HINT3: variants seen among roughly 807,000 people sequenced by gnomAD.
HINT3 encodes the protein histidine triad nucleotide binding protein 3, also known as adenosine 5'-monophosphoramidase HINT3.
In HINT3, 16 loss-of-function variants were observed where a neutral mutation model predicts 19.1. The observed-to-expected ratio is 0.84, with a 90% confidence interval of 0.57 to 1.27. The LOEUF (loss-of-function observed/expected upper bound fraction) is 1.27. HINT3 is among the 50% of genes most tolerant of loss of function. The probability of loss-of-function intolerance (pLI) is 0.00; values close to 1 mark genes in which losing one functional copy is unlikely to be tolerated. For missense variants in HINT3, 197 were observed against 225.8 expected, an observed-to-expected ratio of 0.87 and a Z score of 0.82; for synonymous variants, 75 against 84.8, an observed-to-expected ratio of 0.88 and a Z score of 0.63.
At chr6:125,973,810 C>T (rs1258874992) in intron 3 of HINT3, among the ~76,000 whole-genome samples, 3 of 152,198 alleles carry the variant, frequency 2.0e-5, no homozygotes, top group Non-Finnish European at 2.9e-5. Context: ...GTCTCAACTC[C>T]AGCTCCACGA....
chr6:125,969,347 A>G (rs538385605), intron 2 of HINT3, among the ~76,000 whole-genome samples: 2 of 152,086 alleles, frequency 1.3e-5, no homozygotes, highest in African/African-American at 2.4e-5. Context: ...GTTTTCTGTT[A>G]TGTTCTGTTG....
At chr6:125,973,090 T>TTTC (rs1789131463) in intron 3 of HINT3, among the ~76,000 whole-genome samples, 1 of 137,668 alleles carries the variant, frequency 7.3e-6, no homozygotes, top group Non-Finnish European at 1.5e-5. Context: ...TTTTTTTTTT[T>TTTC]TTTGAGACGG....
At chr6:125,958,421 G>A (rs777207895) in intron 1 of HINT3, among the ~76,000 whole-genome samples, 1 of 152,152 alleles carries the variant, frequency 6.6e-6, no homozygotes, top group African/African-American at 2.4e-5. Flanking sequence ...AAGATGTTGC[G>A]GAGTTATAGG....
In HINT3 at chr6:125,977,882, T is replaced by C. The variant is rs562396311; in HGVS notation, c.*206T>C. On this transcript the variant is annotated 3_prime_UTR_variant, in exon 5 of 5. Transcript: ENST00000229633. ...TTTGTTACTGACTTGTTTCAATGGTTACTTGTATAAGGATTTTATATATAT... is the reference window on the plus strand; with the variant it reads ...TTTGTTACTGACTTGTTTCAATGGTCACTTGTATAAGGATTTTATATATAT... 2.6e-6 allele frequency: 1 copy of C among 387,962 alleles called. No homozygotes were observed. The highest frequency in any genetic ancestry group is 4.7e-6 in the Non-Finnish European group (1 of 214,912). The allele number at this position is 387,962 out of a possible 1,614,324, so 24.0% of individuals were successfully genotyped here.
At chr6:125,976,302 T>C (rs1789177682) in intron 4 of HINT3, among the ~76,000 whole-genome samples, 1 of 152,236 alleles carries the variant, frequency 6.6e-6, no homozygotes, top group African/African-American at 2.4e-5. Flanking sequence ...TCTTAGCTAC[T>C]TGGGAGGCTG....
At position 125,975,581 on chromosome 6, in the gene HINT3, G is replaced by GTTTT. The variant is rs149094456; in HGVS notation, c.516+610_516+611insTTTT. ...CACCTATCAGATCTGTGGCTGAAGA[G>GTTTT]TTGTTTTTTTTTTTTTTGAGACAGT... On this transcript the variant is annotated intron_variant, in intron 4 of 4. Coordinates refer to ENST00000229633, the MANE Select transcript of HINT3 (RefSeq NM_138571.5). Among the ~76,000 whole-genome samples the GTTTT allele has an allele frequency of 7.0e-5, 10 of 143,610 alleles. 2 individuals are homozygous for GTTTT. The highest frequency in any genetic ancestry group is 2.1e-4 in the Admixed American group (3 of 14,360). 94.2% of individuals were successfully genotyped at this position (143,610 alleles called of 152,430 possible).
At position 125,978,788 on chromosome 6, in the gene HINT3, GT is replaced by G. The variant is rs1217446516; in HGVS notation, c.*1116del. The G allele has an allele frequency of 6.6e-6, 1 of 152,044 alleles. No homozygotes were observed. The highest frequency in any genetic ancestry group is 1.5e-5 in the Non-Finnish European group (1 of 68,000). 9.4% of individuals were successfully genotyped at this position (152,044 alleles called of 1,614,324 possible). A position where few individuals can be genotyped will look rare whatever the true frequency, so the allele number is the denominator to read the frequency against. On this transcript the variant is annotated 3_prime_UTR_variant, in exon 5 of 5. Transcript: ENST00000229633. ...TAGAGGGGGCATGATATTAAAGATA[GT>G]TTTAAGTAACAAATTACTTATTACA...
At chr6:125,972,368 T>C in intron 3 of HINT3, 40 bp downstream of exon 3, 2 of 1,218,002 alleles carry the variant, frequency 1.6e-6, no homozygotes, top group South Asian at 1.6e-5. Context: ...TTATACATTA[T>C]TGACGTTTTT....
Position 125,974,820 on chromosome 6 carries a change from C to A in HINT3, c.390-27C>A. 2.5e-6 allele frequency: 4 copies of A among 1,598,194 alleles called. No homozygotes were observed. In the South Asian group the frequency reaches 4.5e-5, roughly 18 times the overall value. The stretch of plus-strand genomic sequence containing the variant: ...TGACTTTATTTTAGAACTGGTTTGT[C>A]AATCATCTCTTTACTTTCTATTTTA... On this transcript the variant is annotated intron_variant, in intron 3 of 4. Transcript: ENST00000229633.
At chr6:125,958,674 A>G (rs563694535) in intron 1 of HINT3, among the ~76,000 whole-genome samples, 288 of 152,270 alleles carry the variant, frequency 1.9e-3, no homozygotes, top group Non-Finnish European at 2.8e-3. Context: ...ACTGGGGGCA[A>G]TTTTGCCCTC....
At chr6:125,964,618 A>G (rs929054911) in intron 1 of HINT3, among the ~76,000 whole-genome samples, 2 of 152,074 alleles carry the variant, frequency 1.3e-5, no homozygotes, top group African/African-American at 4.8e-5. Flanking sequence ...GAGCCACACA[A>G]TACTCCATTG....
rs538139215 is a variant in HINT3 at position 125,977,809 on chromosome 6, T to TA, written c.*133_*134insA. On this transcript the variant is annotated 3_prime_UTR_variant, in exon 5 of 5. Transcript: ENST00000229633. ...GCTGTTACTTAGTGGCCTTAAATCT[T>TA]TTCTGAATGTCTGTTTCCTAAGATC... The TA allele has an allele frequency of 2.2e-4, 114 of 517,964 alleles. No individual in the cohort carries two copies. The highest frequency in any genetic ancestry group is 1.9e-3 in the African/African-American group (96 of 51,012). The allele number at this position is 517,964 out of a possible 1,614,324, so 32.1% of individuals were successfully genotyped here. A position where few individuals can be genotyped will look rare whatever the true frequency, so the allele number is the denominator to read the frequency against.
intron 1 of HINT3, among the ~76,000 whole-genome samples, chr6:125,963,067 A>G (rs6906366): frequency 0.96 from 145,610 of 152,284 alleles, 69,675 homozygotes; most frequent in East Asian, 1. Flanking sequence ...CCCTGTTGGA[A>G]GATGGTTAGC....
intron 2 of HINT3, among the ~76,000 whole-genome samples, chr6:125,969,043 C>T (rs946612136): frequency 2.0e-5 from 3 of 152,052 alleles, no homozygotes; most frequent in East Asian, 1.9e-4. Flanking sequence ...GTTTTTATTG[C>T]GTTGCTCTTG....
At chr6:125,962,694 T>C (rs1788961216) in intron 1 of HINT3, among the ~76,000 whole-genome samples, 1 of 152,190 alleles carries the variant, frequency 6.6e-6, no homozygotes, top group Admixed American at 6.5e-5. Context: ...TAGAAGATTC[T>C]TCACTCCATA....
intron 2 of HINT3, among the ~76,000 whole-genome samples, chr6:125,970,572 T>C (rs1260771213): frequency 1.3e-5 from 2 of 152,188 alleles, no homozygotes; most frequent in African/African-American, 2.4e-5. Flanking sequence ...TTTGAATATT[T>C]CCATACTAAA....
At chr6:125,969,737 GT>G (rs965931915) in intron 2 of HINT3, among the ~76,000 whole-genome samples, 5 of 152,036 alleles carry the variant, frequency 3.3e-5, no homozygotes, top group African/African-American at 1.2e-4. Context: ...GTATTTTTGT[GT>G]GTGTGTGGCT....
intron 3 of HINT3, among the ~76,000 whole-genome samples, chr6:125,972,852 A>G (rs1339004855): frequency 6.6e-6 from 1 of 151,668 alleles, no homozygotes; most frequent in Non-Finnish European, 1.5e-5. Flanking sequence ...AGCCTCACAC[A>G]AGTTCTGGGA....
At position 125,979,681 on chromosome 6, in the gene HINT3, G is replaced by A. The variant is rs919048906; in HGVS notation, c.*2005G>A. The A allele has an allele frequency of 1.3e-5, 2 of 152,230 alleles. No homozygotes were observed. The highest frequency in any genetic ancestry group is 4.8e-5 in the African/African-American group (2 of 41,420). 9.4% of individuals were successfully genotyped at this position (152,230 alleles called of 1,614,324 possible). The stretch of plus-strand genomic sequence containing the variant: ...AGGCAAGAGAATTGCTTGAACTCGG[G>A]AGGCGGAGGTCGCAGTGAGCCGAGA... On this transcript the variant is annotated 3_prime_UTR_variant, in exon 5 of 5. Coordinates refer to ENST00000229633, the MANE Select transcript of HINT3 (RefSeq NM_138571.5).
Sources: gnomAD v4.1 joint callset for allele counts (sites outside exome capture counted in the v4.1 genomes callset) on GRCh38, gnomAD v4.1.1 for gene constraint, MANE v1.5 for transcripts, NCBI Gene and HGNC (gene_info 2026-07-23, HGNC 2026-07-21) for gene names.